KCNH5: variants seen among roughly 807,000 people sequenced by gnomAD.
KCNH5 encodes the protein potassium voltage-gated channel subfamily H member 5.
A neutral mutation model predicts 96.1 loss-of-function variants in KCNH5; 46 were observed. That is an observed-to-expected ratio of 0.48 (90% CI 0.38 to 0.61). The LOEUF (loss-of-function observed/expected upper bound fraction) is 0.61, where lower values mean the gene tolerates loss of function less well. Among genes scored for constraint, KCNH5 ranks in the 20% least tolerant of loss-of-function variants. The pLI, the probability that KCNH5 is intolerant of heterozygous loss-of-function variation, is 0.00. For synonymous variants in KCNH5, 439 were observed against 449.8 expected (o/e 0.98, Z 0.30); for missense variants, 907 against 1,225.8 (o/e 0.74, Z 3.88).
chr14:62,727,985 GCAGT>G (rs1884969255), intron 10 of KCNH5, among the ~76,000 whole-genome samples: 1 of 149,296 alleles, frequency 6.7e-6, no homozygotes, highest in South Asian at 2.2e-4. Context: ...ATACTCCAGA[GCAGT>G]CAGCCTGTGA....
chr14:62,736,067 G>A (rs76501806), intron 10 of KCNH5, among the ~76,000 whole-genome samples: 1,628 of 152,268 alleles, frequency 0.011, 29 homozygotes, highest in East Asian at 0.094. Flanking sequence ...TTTGTGAGTC[G>A]ATAAATTGCT....
intron 7 of KCNH5, among the ~76,000 whole-genome samples, chr14:62,914,417 T>G (rs190903464): frequency 6.6e-6 from 1 of 152,128 alleles, no homozygotes; most frequent in East Asian, 1.9e-4. Flanking sequence ...AGAGAGACAG[T>G]TGGAAACAGA....
chr14:62,818,111 G>T (rs894476735), intron 8 of KCNH5, among the ~76,000 whole-genome samples: 2 of 126,270 alleles, frequency 1.6e-5, no homozygotes, highest in African/African-American at 3.0e-5. Flanking sequence ...GCTGGGGGCG[G>T]GGGGGGGGTG....
At chr14:62,735,356 C>T (rs528045488) in intron 10 of KCNH5, among the ~76,000 whole-genome samples, 1 of 152,210 alleles carries the variant, frequency 6.6e-6, no homozygotes, top group East Asian at 1.9e-4. Context: ...TGGGGAACAG[C>T]AAGGCAAGGC....
intron 1 of KCNH5, among the ~76,000 whole-genome samples, chr14:63,036,204 C>G (rs1236693859): frequency 6.6e-6 from 1 of 152,222 alleles, no homozygotes; most frequent in African/African-American, 2.4e-5. Flanking sequence ...AATGAGGCAG[C>G]TCTTTCCTTC....
intron 7 of KCNH5, among the ~76,000 whole-genome samples, chr14:62,878,035 G>A (rs538673490): frequency 6.6e-6 from 1 of 152,004 alleles, no homozygotes; most frequent in Admixed American, 6.6e-5. Flanking sequence ...ATGAGTTCAT[G>A]TCCTTTCTAG....
intron 10 of KCNH5, among the ~76,000 whole-genome samples, chr14:62,759,657 T>TTC (rs1885705457): frequency 6.6e-6 from 1 of 151,434 alleles, no homozygotes; most frequent in Admixed American, 6.6e-5. Context: ...AGTCCTTTCT[T>TTC]TCTCTCTCTC....
At chr14:63,007,963 A>G (rs984561442) in intron 2 of KCNH5, among the ~76,000 whole-genome samples, 1 of 152,128 alleles carries the variant, frequency 6.6e-6, no homozygotes, top group Non-Finnish European at 1.5e-5. Context: ...CAAGAACTAC[A>G]TGTCTCTAAA....
intron 7 of KCNH5, among the ~76,000 whole-genome samples, chr14:62,892,744 A>G (rs2140086405): frequency 6.6e-6 from 1 of 152,336 alleles, no homozygotes. Context: ...AAATTATGCG[A>G]AATCTACTCT....
At chr14:62,780,323 A>G (rs1334298360) in intron 9 of KCNH5, among the ~76,000 whole-genome samples, 2 of 152,166 alleles carry the variant, frequency 1.3e-5, no homozygotes, top group Admixed American at 1.3e-4. Context: ...ATCTGCTGTA[A>G]CAGCCTTTAT....
chr14:62,803,228 A>G (rs1886701508), intron 8 of KCNH5, among the ~76,000 whole-genome samples: 1 of 152,206 alleles, frequency 6.6e-6, no homozygotes, highest in Non-Finnish European at 1.5e-5. Context: ...CAAAGAGTCA[A>G]GTAAAATAGG....
At chr14:62,747,965 G>A (rs2139941670) in intron 10 of KCNH5, among the ~76,000 whole-genome samples, 1 of 152,256 alleles carries the variant, frequency 6.6e-6, no homozygotes, top group South Asian at 2.1e-4. Context: ...GCAATTTCAA[G>A]CACACTGCAT....
chr14:62,963,781 G>A (rs760000267), intron 6 of KCNH5, among the ~76,000 whole-genome samples: 39 of 152,222 alleles, frequency 2.6e-4, no homozygotes, highest in Non-Finnish European at 4.1e-4. Context: ...GTCCAGTTAA[G>A]TTGAGATGAA....
rs537303367 is a variant in KCNH5 at position 62,791,092 on chromosome 14, A to G, written c.1823-11168T>C. On this transcript the variant is annotated intron_variant, in intron 9 of 10. Coordinates refer to ENST00000322893, the MANE Select transcript of KCNH5 (RefSeq NM_139318.5). The stretch of plus-strand genomic sequence containing the variant: ...AGTCTTTAGTTGTTCCCCATTGATC[A>G]TGGTGTCATCATTACTAGACCATCA... 5.9e-5 allele frequency among the ~76,000 whole-genome samples: 9 copies of G among 151,832 alleles called. No individual in the cohort carries two copies. In the South Asian group the frequency reaches 1.7e-3, roughly 28 times the overall value.
chr14:62,882,398 A>T (rs1888511909), intron 7 of KCNH5, among the ~76,000 whole-genome samples: 1 of 152,204 alleles, frequency 6.6e-6, no homozygotes, highest in Non-Finnish European at 1.5e-5. Context: ...TGCATGCTGT[A>T]ATTTCTATGC....
At chr14:62,920,028 A>G (rs988445376) in intron 7 of KCNH5, among the ~76,000 whole-genome samples, 1 of 152,094 alleles carries the variant, frequency 6.6e-6, no homozygotes, top group African/African-American at 2.4e-5. Flanking sequence ...ACTACCTTGC[A>G]TTTATACAGT....
chr14:63,044,725 G>T (rs2139637872), intron 1 of KCNH5, among the ~76,000 whole-genome samples: 1 of 152,342 alleles, frequency 6.6e-6, no homozygotes, highest in South Asian at 2.1e-4. Context: ...CCTTTCCACT[G>T]AGATTAACTC....
intron 10 of KCNH5, among the ~76,000 whole-genome samples, chr14:62,732,988 C>G (rs1327131691): frequency 1.3e-5 from 2 of 151,812 alleles, no homozygotes; most frequent in Non-Finnish European, 2.9e-5. Flanking sequence ...CTTCTCATCT[C>G]TTTAGGATAA....
chr14:62,922,164 TTG>T (rs1889392197), intron 7 of KCNH5, among the ~76,000 whole-genome samples: 1 of 152,064 alleles, frequency 6.6e-6, no homozygotes, highest in African/African-American at 2.4e-5. Context: ...CCCTGAGGTT[TTG>T]AGGAAAGGAA....
Sources: allele counts gnomAD v4.1 joint callset (sites outside exome capture counted in the v4.1 genomes callset), GRCh38; gene constraint gnomAD v4.1.1; transcripts MANE v1.5; gene names NCBI Gene and HGNC (gene_info 2026-07-23, HGNC 2026-07-21).